The following FSTL5 variants were observed in gnomAD, a reference collection of about 807,000 sequenced individuals.
The protein encoded by FSTL5 is follistatin-related protein 5.
Under a neutral mutation model 89.1 loss-of-function variants are expected in FSTL5, and 62 were observed. The ratio of observed to expected loss-of-function variants is 0.70; its 90% CI spans 0.57 to 0.86. FSTL5 has a LOEUF of 0.86. Ranked by LOEUF, FSTL5 falls within the 40% of genes least tolerant of loss-of-function variation. The probability of loss-of-function intolerance (pLI) is 0.00; values close to 1 mark genes in which losing one functional copy is unlikely to be tolerated. For synonymous variants in FSTL5, 383 were observed against 346.2 expected (o/e 1.11, Z -1.18); for missense variants, 1,057 against 1,001.6 (o/e 1.06, Z -0.75).
intron 5 of FSTL5, among the ~76,000 whole-genome samples, chr4:161,768,657 T>G (rs988708671): frequency 1.3e-5 from 2 of 151,912 alleles, no homozygotes; most frequent in Non-Finnish European, 2.9e-5. Flanking sequence ...ATTCATGCCA[T>G]TTTGCAAATG....
rs565692726 is a variant in FSTL5 at position 161,958,981 on chromosome 4, ATTC to A, written c.161-38332_161-38330del. ...GGGAGACTGTTGTGCTCTTTCTAGGATTCTTCTTCTTATGTTATAGTCTGAAAT... is the reference window on the plus strand; with the variant it reads ...GGGAGACTGTTGTGCTCTTTCTAGGATTCTTCTTATGTTATAGTCTGAAAT... On this transcript the variant is annotated intron_variant, in intron 3 of 15. Transcript: ENST00000306100. Among the ~76,000 whole-genome samples the A allele has an allele frequency of 1.3e-3, 198 of 152,060 alleles. 2 individuals are homozygous for A. Among genetic ancestry groups the A allele is most frequent in the African/African-American group, 4.2e-3 (176 of 41,516 alleles).
intron 1 of FSTL5, among the ~76,000 whole-genome samples, chr4:162,135,619 C>T (rs941221149): frequency 1.3e-5 from 2 of 152,056 alleles, no homozygotes; most frequent in African/African-American, 2.4e-5. Context: ...TGAATGGCCC[C>T]TCTTACTACT....
chr4:161,927,293 C>G (rs1477671969), intron 3 of FSTL5, among the ~76,000 whole-genome samples: 4 of 151,592 alleles, frequency 2.6e-5, no homozygotes, highest in Non-Finnish European at 5.9e-5. Flanking sequence ...AAACCCAACA[C>G]TTAAAAAATA....
intron 6 of FSTL5, among the ~76,000 whole-genome samples, chr4:161,717,066 C>T (rs1579044229): frequency 6.6e-6 from 1 of 152,260 alleles, no homozygotes; most frequent in East Asian, 1.9e-4. Context: ...TTGAGGGAGA[C>T]AGACTTTCCC....
intron 8 of FSTL5, among the ~76,000 whole-genome samples, chr4:161,544,329 T>C (rs1006634090): frequency 6.6e-6 from 1 of 151,952 alleles, no homozygotes; most frequent in Admixed American, 6.6e-5. Flanking sequence ...ATGCAATATA[T>C]GGAGGAAAAT....
chr4:161,504,146 T>C (rs184191119), intron 11 of FSTL5, among the ~76,000 whole-genome samples: 6 of 152,044 alleles, frequency 3.9e-5, no homozygotes, highest in African/African-American at 7.2e-5. Context: ...ATATGCTATT[T>C]ATGGCTCCAT....
At chr4:161,538,080 T>C in intron 10 of FSTL5, 86 bp downstream of exon 10, 1 of 1,315,810 alleles carries the variant, frequency 7.6e-7, no homozygotes, top group South Asian at 1.4e-5. Flanking sequence ...ATTCACAGTT[T>C]TCTGGTGCCT....
At chr4:161,816,106 G>A (rs1208217183) in intron 4 of FSTL5, among the ~76,000 whole-genome samples, 1 of 152,144 alleles carries the variant, frequency 6.6e-6, no homozygotes. Flanking sequence ...CTGGAGTGCA[G>A]AGCTAAATCA....
intron 2 of FSTL5, among the ~76,000 whole-genome samples, chr4:162,097,750 T>C (rs1730822862): frequency 1.3e-5 from 2 of 151,818 alleles, no homozygotes; most frequent in Non-Finnish European, 2.9e-5. Context: ...GAAAATTAAA[T>C]TAAAACTACA....
At chr4:162,143,805 C>T (rs1285217166) in intron 1 of FSTL5, among the ~76,000 whole-genome samples, 2 of 139,102 alleles carry the variant, frequency 1.4e-5, no homozygotes, top group African/African-American at 2.6e-5. Flanking sequence ...CACACACACA[C>T]ACACACACAC....
chr4:161,675,163 T>C (rs1737259650), intron 6 of FSTL5, among the ~76,000 whole-genome samples: 1 of 152,108 alleles, frequency 6.6e-6, no homozygotes, highest in Non-Finnish European at 1.5e-5. Flanking sequence ...AACGTAACAA[T>C]TGATCAGTGA....
At chr4:161,698,934 A>G (rs1821470) in intron 6 of FSTL5, among the ~76,000 whole-genome samples, 23,542 of 152,002 alleles carry the variant, frequency 0.15, 2,062 homozygotes, top group Middle Eastern at 0.3. Context: ...TGGGTGACAG[A>G]GTAAGAAAGA....
chr4:161,780,994 T>C (rs542191021), intron 4 of FSTL5, among the ~76,000 whole-genome samples: 2 of 152,278 alleles, frequency 1.3e-5, no homozygotes, highest in Admixed American at 6.5e-5. Context: ...TTGATAGAAT[T>C]TGATTAGTTT....
At chr4:161,586,789 GC>G (rs1230233102) in intron 8 of FSTL5, among the ~76,000 whole-genome samples, 1 of 152,088 alleles carries the variant, frequency 6.6e-6, no homozygotes, top group African/African-American at 2.4e-5. Context: ...CTAAATTCAT[GC>G]CCATCACACT....
chr4:161,865,399 T>A (rs1413548170), intron 4 of FSTL5, among the ~76,000 whole-genome samples: 4 of 152,202 alleles, frequency 2.6e-5, no homozygotes, highest in African/African-American at 4.8e-5. Context: ...AAGCAAATCA[T>A]AGGTTTAAGA....
intron 2 of FSTL5, among the ~76,000 whole-genome samples, chr4:162,059,461 TA>T (rs1303332316): frequency 6.6e-6 from 1 of 152,200 alleles, no homozygotes; most frequent in Non-Finnish European, 1.5e-5. Flanking sequence ...CTCTGAATTA[TA>T]CCATCCTATT....
intron 10 of FSTL5, among the ~76,000 whole-genome samples, chr4:161,528,233 C>T (rs1337268498): frequency 7.1e-6 from 1 of 140,372 alleles, no homozygotes; most frequent in Non-Finnish European, 1.5e-5. Flanking sequence ...CAGCATGTCA[C>T]ATGTATACAT....
chr4:161,445,461 T>C (rs942562243), intron 15 of FSTL5, among the ~76,000 whole-genome samples: 1 of 151,908 alleles, frequency 6.6e-6, no homozygotes, highest in African/African-American at 2.4e-5. Context: ...GTTAGAAAAC[T>C]TGTTTCCCTA....
chr4:161,869,331 T>A (rs1012688280), intron 4 of FSTL5, among the ~76,000 whole-genome samples: 3 of 152,190 alleles, frequency 2.0e-5, no homozygotes, highest in African/African-American at 7.2e-5. Context: ...AGAGAAAGTA[T>A]ATTAAAGTTG....
Sources: gnomAD v4.1 joint callset for allele counts (sites outside exome capture counted in the v4.1 genomes callset) on GRCh38, gnomAD v4.1.1 for gene constraint, MANE v1.5 for transcripts, NCBI Gene and HGNC (gene_info 2026-07-23, HGNC 2026-07-21) for gene names.